Variants in FRMPD1 observed in about 807,000 individuals in gnomAD.
FRMPD1 encodes FERM and PDZ domain containing 1, also known as FERM and PDZ domain-containing protein 1.
In FRMPD1, 76 loss-of-function variants were observed where a neutral mutation model predicts 117.8. The ratio of observed to expected loss-of-function variants is 0.65; its 90% CI spans 0.54 to 0.78. The LOEUF is 0.78. Ranked by LOEUF, FRMPD1 falls within the 30% of genes least tolerant of loss-of-function variation. The probability of loss-of-function intolerance (pLI) is 0.00; values close to 1 mark genes in which losing one functional copy is unlikely to be tolerated. For synonymous variants in FRMPD1, 783 were observed against 770.4 expected, an observed-to-expected ratio of 1.02 and a Z score of -0.27; for missense variants, 1,786 against 1,964.5, an observed-to-expected ratio of 0.91 and a Z score of 1.72.
In FRMPD1 at chr9:37,740,514, C is replaced by A. The variant is rs777381986; in HGVS notation, c.1986C>A (p.Ala662=). 1 of 1,614,092 alleles carries A rather than the reference C, an allele frequency of 6.2e-7. No individual in the cohort carries two copies. Among genetic ancestry groups the A allele is most frequent in the South Asian group, 1.1e-5 (1 of 91,080 alleles). The part of the protein sequence containing the change: ...TSGFLCLLDL[A]QRANPQCQKT... ...GCTTCCTCTGTCTCCTGGACCTGGC[C>A]CAGAGAGCCAACCCCCAGTGCCAGA... The change falls in exon 15 of 16, where the codon GCC becomes GCA. Residue 662 remains alanine, a synonymous_variant. Coordinates refer to ENST00000377765, the MANE Select transcript of FRMPD1 (RefSeq NM_014907.3). This position sits in a 1 kb window ranked among gnomAD's most constrained non-coding sequence, Gnocchi z 4.2.
the FRMPD1 span, among the ~76,000 whole-genome samples, chr9:37,612,603 CT>C: frequency 6.7e-6 from 1 of 149,256 alleles, no homozygotes; most frequent in African/African-American, 2.5e-5. Flanking sequence ...ACTGCAACTT[CT>C]GCCTCCCGGG....
chr9:37,655,646 G>A (rs964059322), intron 1 of FRMPD1, among the ~76,000 whole-genome samples: 5 of 151,930 alleles, frequency 3.3e-5, no homozygotes, highest in African/African-American at 1.2e-4. Flanking sequence ...TGGGACTACA[G>A]GCACCTGCCA....
the FRMPD1 span, among the ~76,000 whole-genome samples, chr9:37,607,034 G>T: frequency 6.6e-6 from 1 of 152,192 alleles, no homozygotes; most frequent in Non-Finnish European, 1.5e-5. Flanking sequence ...TAGAAACATG[G>T]TTGAGCACAG....
intron 5 of FRMPD1, among the ~76,000 whole-genome samples, chr9:37,718,441 TG>T (rs1823245356): frequency 1.3e-5 from 2 of 152,240 alleles, no homozygotes; most frequent in African/African-American, 4.8e-5. Flanking sequence ...ATTCAGCAAG[TG>T]TCACAAGTTG....
At chr9:37,619,460 C>A in the FRMPD1 span, among the ~76,000 whole-genome samples, 1 of 152,024 alleles carries the variant, frequency 6.6e-6, no homozygotes, top group Admixed American at 6.6e-5. Flanking sequence ...GCAAAAGCTG[C>A]AGAGAAATTG....
At chr9:37,727,782 C>T (rs1823677719) in intron 7 of FRMPD1, 1 of 150,934 alleles carries the variant, frequency 6.6e-6, no homozygotes, top group Admixed American at 6.6e-5. Flanking sequence ...CCCTTCAGGA[C>T]TAGTCACTGG....
chr9:37,686,681 C>T (rs1046205911), intron 1 of FRMPD1, among the ~76,000 whole-genome samples: 1 of 152,154 alleles, frequency 6.6e-6, no homozygotes, highest in African/African-American at 2.4e-5. Flanking sequence ...TTAATTAGAA[C>T]CATGTATGTT....
At chr9:37,661,674 T>G (rs779044299) in intron 1 of FRMPD1, 23 of 152,340 alleles carry the variant, frequency 1.5e-4, no homozygotes, top group Non-Finnish European at 3.1e-4. Context: ...CTGTGTGAAT[T>G]TGAAGGTTGC....
chr9:37,698,285 A>G (rs1714457293), intron 2 of FRMPD1, among the ~76,000 whole-genome samples: 2 of 152,210 alleles, frequency 1.3e-5, no homozygotes, highest in South Asian at 4.1e-4. Context: ...ATTTTAGTAT[A>G]TGCTAGGAGA....
chr9:37,678,503 C>T (rs56234818), intron 1 of FRMPD1, among the ~76,000 whole-genome samples: 7,769 of 152,112 alleles, frequency 0.051, 225 homozygotes, highest in Non-Finnish European at 0.059. Context: ...TCAAGTGATC[C>T]ACCTACCTCA....
chr9:37,684,544 C>T (rs1394339492), intron 1 of FRMPD1, among the ~76,000 whole-genome samples: 1 of 152,118 alleles, frequency 6.6e-6, no homozygotes, highest in East Asian at 1.9e-4. Context: ...ATCACTCTGG[C>T]AGTCACATGG....
At chr9:37,729,595 ACT>A (rs1823772300) in intron 7 of FRMPD1, 131 bp from the exon 8 acceptor site, 2 of 871,858 alleles carry the variant, frequency 2.3e-6, no homozygotes, top group African/African-American at 1.7e-5. Flanking sequence ...GTGGGACCAG[ACT>A]CTGGCGTAAG....
chr9:37,713,804 C>G (rs1273674915), intron 5 of FRMPD1, among the ~76,000 whole-genome samples: 1 of 152,140 alleles, frequency 6.6e-6, no homozygotes, highest in Non-Finnish European at 1.5e-5. Flanking sequence ...ACAGTCTCAA[C>G]TCTAAAAATA....
intron 1 of FRMPD1, among the ~76,000 whole-genome samples, chr9:37,662,251 T>C (rs947583394): frequency 2.6e-5 from 4 of 152,138 alleles, no homozygotes; most frequent in Admixed American, 6.5e-5. Flanking sequence ...ACTCCTGCAA[T>C]AACAGCATTA....
chr9:37,735,781 GC>G, intron 13 of FRMPD1, 47 bp downstream of exon 13: 1 of 1,354,790 alleles, frequency 7.4e-7, no homozygotes, highest in Non-Finnish European at 1.1e-6. Flanking sequence ...GGAATTTGGG[GC>G]CAAATAGGGG....
intron 1 of FRMPD1, among the ~76,000 whole-genome samples, chr9:37,671,527 G>A (rs1186015793): frequency 6.6e-6 from 1 of 152,158 alleles, no homozygotes; most frequent in African/African-American, 2.4e-5. Flanking sequence ...CCTGCTCAAT[G>A]TGGAACTTAT....
chr9:37,638,010 TTCTTTCTTTCTTTC>T, the FRMPD1 span, among the ~76,000 whole-genome samples: 1 of 124,198 alleles, frequency 8.1e-6, no homozygotes, highest in East Asian at 4.4e-4. Flanking sequence ...CTTTCTTTCT[TTCTTTCTTTCTTTC>T]TCTCTCTTTC....
intron 1 of FRMPD1, among the ~76,000 whole-genome samples, chr9:37,689,343 T>C (rs1218176276): frequency 6.6e-6 from 1 of 152,146 alleles, no homozygotes. Flanking sequence ...TATTTTCTTA[T>C]ACAACTTTTT....
At chr9:37,678,981 A>G (rs1333164677) in intron 1 of FRMPD1, among the ~76,000 whole-genome samples, 1 of 152,106 alleles carries the variant, frequency 6.6e-6, no homozygotes, top group Non-Finnish European at 1.5e-5. Context: ...TGCTTCTGGC[A>G]TGGAGAAGCC....
Sources: allele counts gnomAD v4.1 joint callset (sites outside exome capture counted in the v4.1 genomes callset), GRCh38; gene constraint gnomAD v4.1.1; non-coding constraint Gnocchi (gnomAD v3.1); transcripts MANE v1.5; gene names NCBI Gene and HGNC (gene_info 2026-07-23, HGNC 2026-07-21).